The following GATAD2B variants were observed in gnomAD, a reference collection of about 807,000 sequenced individuals.
GATAD2B encodes transcriptional repressor p66-beta.
GATAD2B carries 8 observed loss-of-function variants against 64.3 expected under a neutral mutation model. That is an observed-to-expected ratio of 0.12 (90% CI 0.07 to 0.22). The LOEUF is 0.22. Among genes scored for constraint, GATAD2B ranks in the 10% least tolerant of loss-of-function variants. The pLI, the probability that GATAD2B is intolerant of heterozygous loss-of-function variation, is 1.00. For synonymous variants in GATAD2B, 281 were observed against 271.3 expected (o/e 1.04, Z -0.35); for missense variants, 453 against 752.0 (o/e 0.60, Z 4.65).
At chr1:153,817,572 T>C (rs1468423968) in intron 5 of GATAD2B, 30 bp from the exon 6 acceptor site, 3 of 1,542,720 alleles carry the variant, frequency 1.9e-6, no homozygotes, top group Non-Finnish European at 8.8e-7. Context: ...AAAGAACTAA[T>C]CACAGGTTGT....
At chr1:153,840,850 G>A (rs1369681980) in intron 1 of GATAD2B, among the ~76,000 whole-genome samples, 1 of 152,034 alleles carries the variant, frequency 6.6e-6, no homozygotes, top group Admixed American at 6.6e-5. Context: ...GATAGGCCGG[G>A]CACGGTGGCT....
chr1:153,922,289 A>T (rs1364489440), intron 1 of GATAD2B, among the ~76,000 whole-genome samples: 2 of 131,926 alleles, frequency 1.5e-5, no homozygotes, highest in Non-Finnish European at 1.6e-5. Flanking sequence ...GGAGAGAGTT[A>T]AAAAAAAAAA....
At chr1:153,869,570 C>T (rs1676593389) in intron 1 of GATAD2B, among the ~76,000 whole-genome samples, 1 of 152,082 alleles carries the variant, frequency 6.6e-6, no homozygotes. Context: ...TTATTAGCTT[C>T]TGGTATCCAC....
intron 1 of GATAD2B, among the ~76,000 whole-genome samples, chr1:153,897,111 C>T (rs1557828062): frequency 6.6e-6 from 1 of 150,974 alleles, no homozygotes; most frequent in Non-Finnish European, 1.5e-5. Flanking sequence ...TCACTGCAGG[C>T]TCCACCCCCT....
In GATAD2B at chr1:153,820,225, G is replaced by T. The variant is rs998687075; in HGVS notation, c.336-490C>A. Among the ~76,000 whole-genome samples, 11 of 151,930 alleles carry T rather than the reference G, an allele frequency of 7.2e-5. No individual in the cohort carries two copies. In the East Asian group the frequency reaches 2.1e-3, roughly 29 times the overall value. Reference sequence around the variant, plus strand: ...ATATTGTCTACAGCCTTACAGAAAAGGATTAAACCTCCAGAACCAAATATA... The same window carrying T: ...ATATTGTCTACAGCCTTACAGAAAATGATTAAACCTCCAGAACCAAATATA... On this transcript the variant is annotated intron_variant, in intron 2 of 10. Transcript: ENST00000368655.
chr1:153,921,593 TACACAC>T (rs375613490), intron 1 of GATAD2B, among the ~76,000 whole-genome samples: 1 of 150,842 alleles, frequency 6.6e-6, no homozygotes, highest in Non-Finnish European at 1.5e-5. Flanking sequence ...CTCTCTCTCT[TACACAC>T]ACACACACGC....
At chr1:153,834,641 C>G (rs764690890) in intron 1 of GATAD2B, among the ~76,000 whole-genome samples, 1 of 152,126 alleles carries the variant, frequency 6.6e-6, no homozygotes, top group Non-Finnish European at 1.5e-5. Flanking sequence ...CTGCCTGCCT[C>G]GGCTTCCCAA....
At chr1:153,817,292 T>G in intron 6 of GATAD2B, 80 bp downstream of exon 6, 1 of 1,365,448 alleles carries the variant, frequency 7.3e-7, no homozygotes, top group South Asian at 1.6e-5. Context: ...TATAAAAACT[T>G]AAAACCTATG....
At chr1:153,914,893 T>C (rs543625238) in intron 1 of GATAD2B, among the ~76,000 whole-genome samples, 1 of 151,908 alleles carries the variant, frequency 6.6e-6, no homozygotes, top group East Asian at 2.0e-4. Context: ...TGCCATTGCA[T>C]TCCAATCTGG....
chr1:153,829,463 C>T (rs937656572), intron 1 of GATAD2B, among the ~76,000 whole-genome samples: 12 of 152,084 alleles, frequency 7.9e-5, no homozygotes, highest in African/African-American at 1.2e-4. Context: ...CAGGGCTGGG[C>T]GTGGTGGCTC....
Position 153,810,148 on chromosome 1 carries a change from A to C in GATAD2B, c.*29T>G. ...AAAGAGGAAAGGGATAAAGGATTCA[A>C]GGATGGGGCAGTACAAGTGGAACAG... On this transcript the variant is annotated 3_prime_UTR_variant, in exon 11 of 11. Transcript: ENST00000368655. 1 of 1,590,266 alleles carries C rather than the reference A, an allele frequency of 6.3e-7. No homozygotes were observed. The highest frequency in any genetic ancestry group is 8.6e-7 in the Non-Finnish European group (1 of 1,167,234).
At chr1:153,843,227 T>C (rs902146538) in intron 1 of GATAD2B, among the ~76,000 whole-genome samples, 8 of 151,742 alleles carry the variant, frequency 5.3e-5, no homozygotes, top group African/African-American at 1.9e-4. Flanking sequence ...CTTGACCTCC[T>C]GGGCTCAAGC....
At chr1:153,854,737 AG>A (rs1396273217) in intron 1 of GATAD2B, among the ~76,000 whole-genome samples, 1 of 152,210 alleles carries the variant, frequency 6.6e-6, no homozygotes, top group Non-Finnish European at 1.5e-5. Context: ...TATTTTCATA[AG>A]AACTAGTTCA....
chr1:153,820,098 C>CAA (rs201426841), intron 2 of GATAD2B, among the ~76,000 whole-genome samples: 956 of 63,138 alleles, frequency 0.015, 4 homozygotes, highest in Middle Eastern at 0.028. Flanking sequence ...GTTCCCGTCT[C>CAA]AAAAAAAAAA....
intron 1 of GATAD2B, among the ~76,000 whole-genome samples, chr1:153,836,470 T>C (rs1210092149): frequency 3.3e-5 from 5 of 151,128 alleles, no homozygotes; most frequent in Non-Finnish European, 1.5e-5. Flanking sequence ...AGGCTAGTCT[T>C]GAACTCCTGA....
chr1:153,863,495 T>A (rs1676380344), intron 1 of GATAD2B, among the ~76,000 whole-genome samples: 1 of 141,374 alleles, frequency 7.1e-6, no homozygotes, highest in Non-Finnish European at 1.5e-5. Flanking sequence ...AACCTCCGTC[T>A]CAAAAGAAAG....
intron 1 of GATAD2B, among the ~76,000 whole-genome samples, chr1:153,909,494 C>T (rs896709017): frequency 6.6e-6 from 1 of 151,672 alleles, no homozygotes; most frequent in African/African-American, 2.4e-5. Flanking sequence ...GCCACCATGC[C>T]CGGCCACATT....
At chr1:153,876,550 G>A (rs913538403) in intron 1 of GATAD2B, among the ~76,000 whole-genome samples, 1 of 152,158 alleles carries the variant, frequency 6.6e-6, no homozygotes, top group African/African-American at 2.4e-5. Flanking sequence ...TATGCACCAA[G>A]GATTGTAAAG....
chr1:153,875,683 GAAA>G (rs11340415), intron 1 of GATAD2B, among the ~76,000 whole-genome samples: 17 of 78,400 alleles, frequency 2.2e-4, no homozygotes, highest in Admixed American at 3.5e-4. Context: ...AGTTTGGAGG[GAAA>G]AAAAAAAAAA....
Sources: gnomAD v4.1 joint callset for allele counts (sites outside exome capture counted in the v4.1 genomes callset) on GRCh38, gnomAD v4.1.1 for gene constraint, MANE v1.5 for transcripts, NCBI Gene and HGNC (gene_info 2026-07-23, HGNC 2026-07-21) for gene names.